DNAH6: variants seen among roughly 807,000 people sequenced by gnomAD.
DNAH6 encodes the protein axonemal beta dynein heavy chain 6.
DNAH6 carries 340 observed loss-of-function variants against 491.4 expected under a neutral mutation model. That is an observed-to-expected ratio of 0.69 (90% CI 0.63 to 0.76). The LOEUF is 0.76. Ranked by LOEUF, DNAH6 falls within the 30% of genes least tolerant of loss-of-function variation. The pLI is 0.00. For missense variants in DNAH6, 4,443 were observed against 4,972.2 expected, an observed-to-expected ratio of 0.89 and a Z score of 3.20; for synonymous variants, 1,603 against 1,686.1, an observed-to-expected ratio of 0.95 and a Z score of 1.21.
At chr2:84,781,382 T>C (rs1559034339) in intron 64 of DNAH6, 111 bp from the exon 65 acceptor site, 2 of 899,452 alleles carry the variant, frequency 2.2e-6, no homozygotes, top group East Asian at 5.4e-5. Flanking sequence ...GGAATGAGGA[T>C]TCAAAATGTT....
intron 76 of DNAH6, 134 bp from the exon 77 acceptor site, chr2:84,819,171 G>T (rs1680788832): frequency 1.7e-6 from 1 of 582,556 alleles, no homozygotes; most frequent in Admixed American, 3.1e-5. Flanking sequence ...GACCCATAAA[G>T]GACTATTTGT....
intron 64 of DNAH6, among the ~76,000 whole-genome samples, chr2:84,778,789 A>G (rs1017439745): frequency 1.3e-5 from 2 of 152,176 alleles, no homozygotes; most frequent in Non-Finnish European, 2.9e-5. Context: ...GCACCCAGAC[A>G]CACTGTAAAC....
At chr2:84,646,895 TG>T (rs1221556519) in intron 33 of DNAH6, among the ~76,000 whole-genome samples, 1 of 152,226 alleles carries the variant, frequency 6.6e-6, no homozygotes, top group Non-Finnish European at 1.5e-5. Context: ...CCCCCCAGGC[TG>T]GAGTGCAGTA....
chr2:84,750,974 A>G (rs1228805890), intron 63 of DNAH6: 1 of 152,282 alleles, frequency 6.6e-6, no homozygotes, highest in African/African-American at 2.4e-5. Context: ...ATTAAGAGCT[A>G]GACACCCATT....
At chr2:84,692,471 AG>A (rs1694962678) in intron 45 of DNAH6, among the ~76,000 whole-genome samples, 5 of 143,966 alleles carry the variant, frequency 3.5e-5, no homozygotes, top group Non-Finnish European at 3.1e-5. Context: ...ATAGATAGAT[AG>A]ATAGATAGAT....
chr2:84,462,926 C>T, the DNAH6 span, among the ~76,000 whole-genome samples: 1 of 152,126 alleles, frequency 6.6e-6, no homozygotes, highest in East Asian at 1.9e-4. Context: ...TTGAACCTCC[C>T]CCTGAGAGAC....
intron 64 of DNAH6, among the ~76,000 whole-genome samples, chr2:84,774,661 T>G (rs182320237): frequency 6.6e-6 from 1 of 152,154 alleles, no homozygotes; most frequent in Non-Finnish European, 1.5e-5. Flanking sequence ...TTTAACAGTA[T>G]TGATTCTTCA....
chr2:84,568,577 G>A (rs1681462281), intron 11 of DNAH6, among the ~76,000 whole-genome samples: 1 of 152,054 alleles, frequency 6.6e-6, no homozygotes, highest in Non-Finnish European at 1.5e-5. Flanking sequence ...CTGTGGGGAG[G>A]GAGAACAACA....
At chr2:84,798,406 G>T (rs1217801366) in intron 70 of DNAH6, among the ~76,000 whole-genome samples, 1 of 152,148 alleles carries the variant, frequency 6.6e-6, no homozygotes, top group African/African-American at 2.4e-5. Context: ...CAGACCTTTG[G>T]ACTGGCAGGC....
At chr2:84,501,706 CTTG>C in the DNAH6 span, among the ~76,000 whole-genome samples, 1 of 143,106 alleles carries the variant, frequency 7.0e-6, no homozygotes, top group South Asian at 2.3e-4. Context: ...GATCTCATTA[CTTG>C]TTATTGGTCT....
intron 16 of DNAH6, 77 bp downstream of exon 16, chr2:84,589,031 G>A: frequency 7.7e-7 from 1 of 1,298,136 alleles, no homozygotes; most frequent in Non-Finnish European, 1.0e-6. Context: ...CTTCAATAAT[G>A]TAACTGTAAA....
intron 60 of DNAH6, among the ~76,000 whole-genome samples, chr2:84,724,236 C>G (rs1698421988): frequency 6.6e-6 from 1 of 152,172 alleles, no homozygotes. Flanking sequence ...CACTTTTTCC[C>G]TGCAACACAT....
rs1687654403 is a variant in DNAH6 at position 84,624,290 on chromosome 2, T to C, written c.4097T>C (p.Val1366Ala). The C allele has an allele frequency of 4.5e-6, 7 of 1,550,516 alleles. No homozygotes were observed. The highest frequency in any genetic ancestry group is 6.1e-6 in the Non-Finnish European group (7 of 1,146,594). The change falls in exon 27 of 77, where the codon GTT becomes GCT. Residue 1366 changes from valine (V) to alanine (A), a missense_variant. Transcript: ENST00000389394. Reference protein sequence around the residue: ...FERLNALAAIVQGSLPKLHRN... With the variant: ...FERLNALAAIAQGSLPKLHRN... Reference sequence around the variant, plus strand: ...AGATTAAATGCCCTAGCTGCAATAGTTCAAGGCAGTCTTCCTAAATTACAC... The same window carrying C: ...AGATTAAATGCCCTAGCTGCAATAGCTCAAGGCAGTCTTCCTAAATTACAC...
chr2:84,784,759 C>T lies in DNAH6; in HGVS notation c.10902C>T (p.Ser3634=). The part of the protein sequence containing the change: ...AIKDTFRLFL[S]SMPSNTFPVT... ...AGGACACTTTTCGACTTTTTTTAAG[C>T]TCCATGCCTAGTAATACATTTCCTG... Residue 3634 remains serine (S), a synonymous_variant, in exon 66 of 77, where the codon AGC becomes AGT. Transcript: ENST00000389394. 1 of 1,550,696 alleles carries T rather than the reference C, an allele frequency of 6.4e-7. No homozygotes were observed. Among genetic ancestry groups the T allele is most frequent in the Non-Finnish European group, 8.7e-7 (1 of 1,146,232 alleles).
At chr2:84,482,983 G>A in the DNAH6 span, among the ~76,000 whole-genome samples, 1 of 150,366 alleles carries the variant, frequency 6.7e-6, no homozygotes, top group Non-Finnish European at 1.5e-5. Context: ...TTGAGACAGA[G>A]TCTCACTCTT....
intron 70 of DNAH6, among the ~76,000 whole-genome samples, chr2:84,802,471 T>C (rs900026039): frequency 1.3e-5 from 2 of 152,168 alleles, no homozygotes; most frequent in African/African-American, 4.8e-5. Flanking sequence ...GGGCATGATA[T>C]AATGATAAAG....
chr2:84,775,502 A>G (rs1676035682), intron 64 of DNAH6, among the ~76,000 whole-genome samples: 1 of 152,136 alleles, frequency 6.6e-6, no homozygotes, highest in Non-Finnish European at 1.5e-5. Flanking sequence ...AGATATTGGT[A>G]TCAGGATGAT....
intron 41 of DNAH6, among the ~76,000 whole-genome samples, chr2:84,678,117 G>T (rs1170630993): frequency 6.6e-6 from 1 of 152,164 alleles, no homozygotes; most frequent in East Asian, 1.9e-4. Context: ...TTTTCTGTTT[G>T]TATTGAAATA....
the DNAH6 span, among the ~76,000 whole-genome samples, chr2:84,468,728 C>T: frequency 6.6e-6 from 1 of 152,150 alleles, no homozygotes; most frequent in African/African-American, 2.4e-5. Flanking sequence ...GGGGCAGTCT[C>T]CATTTCCTTT....
Sources: gnomAD v4.1 joint callset for allele counts (sites outside exome capture counted in the v4.1 genomes callset) on GRCh38, gnomAD v4.1.1 for gene constraint, MANE v1.5 for transcripts, NCBI Gene and HGNC (gene_info 2026-07-23, HGNC 2026-07-21) for gene names.